C12orf54: variants seen among roughly 807,000 people sequenced by gnomAD.
The protein encoded by C12orf54 is chromosome 12 open reading frame 54, also known as uncharacterized protein C12orf54.
A neutral mutation model predicts 26.4 loss-of-function variants in C12orf54; 24 were observed. That is an observed-to-expected ratio of 0.91 (90% CI 0.66 to 1.28). C12orf54 has a LOEUF of 1.28. Among genes scored for constraint, C12orf54 ranks in the 50% most tolerant of loss-of-function variants. The probability of loss-of-function intolerance (pLI) is 0.00; values close to 1 mark genes in which losing one functional copy is unlikely to be tolerated. For missense variants in C12orf54, 154 were observed against 150.9 expected, an observed-to-expected ratio of 1.02 and a Z score of -0.11; for synonymous variants, 54 against 47.0, an observed-to-expected ratio of 1.15 and a Z score of -0.61.
rs772377716 is a variant in C12orf54, at chr12:48,486,753, A to G, written c.135+27A>G. The G allele has an allele frequency of 5.6e-6, 9 of 1,604,846 alleles. No homozygotes were observed. In the African/African-American group the frequency reaches 9.4e-5, roughly 17 times the overall value. ...TGAGTACAGAGGAATCATTTTTGACAGCATGGCATGAGGTGGGAGGTGGGG... is the reference window on the plus strand; with the variant it reads ...TGAGTACAGAGGAATCATTTTTGACGGCATGGCATGAGGTGGGAGGTGGGG... On this transcript the variant is annotated intron_variant, in intron 4 of 8. Transcript: ENST00000548364.
intron 3 of C12orf54, 127 bp from the exon 4 acceptor site, chr12:48,486,561 G>T: frequency 1.1e-6 from 1 of 947,702 alleles, no homozygotes. Context: ...CCTGAGAAAT[G>T]GGGTGATTTT....
At chr12:48,478,799 A>G (rs530927491), upstream of C12orf54, among the ~76,000 whole-genome samples, 442 of 152,352 alleles carry the variant, frequency 2.9e-3, no homozygotes, top group Non-Finnish European at 4.5e-3. Context: ...AGAAATGCAA[A>G]TCAAAACCAC....
At chr12:48,419,644 T>C in the C12orf54 span, among the ~76,000 whole-genome samples, 4 of 151,984 alleles carry the variant, frequency 2.6e-5, no homozygotes, top group African/African-American at 9.7e-5. Flanking sequence ...GAGAGCTCAA[T>C]GACAAAGAAA....
intron 4 of C12orf54, among the ~76,000 whole-genome samples, chr12:48,487,270 G>T (rs967799835): frequency 2.0e-5 from 3 of 152,118 alleles, no homozygotes; most frequent in African/African-American, 7.2e-5. Context: ...TAAAACCTTA[G>T]ATAGAGATGA....
upstream of C12orf54, among the ~76,000 whole-genome samples, chr12:48,477,744 G>A (rs1274179075): frequency 6.6e-6 from 1 of 152,164 alleles, no homozygotes; most frequent in Non-Finnish European, 1.5e-5. Context: ...CTGAAATTGA[G>A]GCAATAATCA....
chr12:48,472,813 T>C, the C12orf54 span: 1 of 1,614,152 alleles, frequency 6.2e-7, no homozygotes, highest in Non-Finnish European at 8.5e-7. Context: ...TTAAATACAA[T>C]CAACATAGGC....
At chr12:48,445,519 G>T in the C12orf54 span, among the ~76,000 whole-genome samples, 6 of 152,178 alleles carry the variant, frequency 3.9e-5, no homozygotes, top group African/African-American at 1.4e-4. Context: ...GAGTCACAAA[G>T]TGCCCAGAGT....
the C12orf54 span, among the ~76,000 whole-genome samples, chr12:48,461,606 TG>T: frequency 1.4e-5 from 2 of 144,040 alleles, no homozygotes; most frequent in Admixed American, 7.4e-5. Flanking sequence ...CTTCAAAATT[TG>T]GAAACTAACG....
At chr12:48,471,739 AC>A in the C12orf54 span, among the ~76,000 whole-genome samples, 5 of 152,280 alleles carry the variant, frequency 3.3e-5, no homozygotes, top group South Asian at 1.0e-3. Context: ...TGTTTTGGTT[AC>A]TATAGCTTTA....
At chr12:48,420,905 T>C in the C12orf54 span, among the ~76,000 whole-genome samples, 1 of 152,176 alleles carries the variant, frequency 6.6e-6, no homozygotes, top group Non-Finnish European at 1.5e-5. Context: ...ATGGATGGAT[T>C]TAATTTTAAC....
chr12:48,456,959 T>C, the C12orf54 span, among the ~76,000 whole-genome samples: 3 of 152,124 alleles, frequency 2.0e-5, no homozygotes, highest in Non-Finnish European at 2.9e-5. Flanking sequence ...GAATCTTTCA[T>C]AGGATGCTGA....
the C12orf54 span, among the ~76,000 whole-genome samples, chr12:48,420,890 T>C: frequency 6.6e-6 from 1 of 152,186 alleles, no homozygotes; most frequent in African/African-American, 2.4e-5. Context: ...GTATGGTACA[T>C]ATTGATGGAT....
the C12orf54 span, among the ~76,000 whole-genome samples, chr12:48,438,311 G>A: frequency 6.6e-6 from 1 of 152,326 alleles, no homozygotes; most frequent in African/African-American, 2.4e-5. Context: ...TCAATATCGT[G>A]AAAATGGCCA....
the C12orf54 span, among the ~76,000 whole-genome samples, chr12:48,463,200 A>T: frequency 2.6e-5 from 4 of 152,038 alleles, no homozygotes; most frequent in African/African-American, 9.6e-5. Context: ...AAGATTGTAC[A>T]TTGAAAACTA....
the C12orf54 span, among the ~76,000 whole-genome samples, chr12:48,452,199 A>C: frequency 6.6e-6 from 1 of 152,198 alleles, no homozygotes; most frequent in African/African-American, 2.4e-5. Flanking sequence ...CAAGCATCTG[A>C]TCTTCAACAA....
the C12orf54 span, chr12:48,441,894 C>T: frequency 6.6e-6 from 1 of 152,064 alleles, no homozygotes; most frequent in East Asian, 1.9e-4. Flanking sequence ...GTAAATTTTC[C>T]ACCTTTTCTT....
At chr12:48,472,986 C>A in the C12orf54 span, 5 of 1,613,978 alleles carry the variant, frequency 3.1e-6, no homozygotes, top group East Asian at 2.2e-5. Context: ...CACAATAGAG[C>A]CCCTGAAAAA....
the C12orf54 span, among the ~76,000 whole-genome samples, chr12:48,477,135 C>G: frequency 1.3e-5 from 2 of 152,184 alleles, no homozygotes; most frequent in African/African-American, 4.8e-5. Flanking sequence ...ACAACATGCT[C>G]CTGAGTGACT....
the C12orf54 span, among the ~76,000 whole-genome samples, chr12:48,429,376 C>T: frequency 6.6e-6 from 1 of 152,040 alleles, no homozygotes; most frequent in Non-Finnish European, 1.5e-5. Context: ...GGGAGCCAAA[C>T]TGTCACAGTT....
Sources: allele counts gnomAD v4.1 joint callset (sites outside exome capture counted in the v4.1 genomes callset), GRCh38; gene constraint gnomAD v4.1.1; transcripts MANE v1.5; gene names NCBI Gene and HGNC (gene_info 2026-07-23, HGNC 2026-07-21).